The following RAD51B variants were observed in gnomAD, a reference collection of about 807,000 sequenced individuals.
The protein encoded by RAD51B is DNA repair protein RAD51 homolog 2.
Under a neutral mutation model 42.2 loss-of-function variants are expected in RAD51B, and 38 were observed. That is an observed-to-expected ratio of 0.90 (90% CI 0.70 to 1.18). RAD51B has a LOEUF of 1.18. Ranked by LOEUF, RAD51B falls within the 50% of genes most tolerant of loss-of-function variation. RAD51B has a pLI of 0.00. For synonymous variants in RAD51B, 154 were observed against 145.2 expected, an observed-to-expected ratio of 1.06 and a Z score of -0.43; for missense variants, 373 against 400.7, an observed-to-expected ratio of 0.93 and a Z score of 0.59.
At chr14:68,422,101 T>C in intron 9 of RAD51B, 1 of 1,482,598 alleles carries the variant, frequency 6.7e-7, no homozygotes, top group Non-Finnish European at 9.4e-7. Context: ...AATTTTCTGC[T>C]GTCTTTGGGA....
intron 7 of RAD51B, among the ~76,000 whole-genome samples, chr14:68,173,583 T>C (rs1442191021): frequency 1.3e-5 from 2 of 152,202 alleles, no homozygotes; most frequent in African/African-American, 2.4e-5. Context: ...AAGAATCACA[T>C]GCAATATGAG....
At chr14:68,039,177 C>G (rs890421071) in intron 7 of RAD51B, among the ~76,000 whole-genome samples, 1 of 151,970 alleles carries the variant, frequency 6.6e-6, no homozygotes, top group Non-Finnish European at 1.5e-5. Context: ...ATGCTGTAAT[C>G]CCAGCACTTT....
downstream of RAD51B, among the ~76,000 whole-genome samples, chr14:68,613,484 C>T (rs561394572): frequency 2.7e-5 from 4 of 145,608 alleles, no homozygotes; most frequent in Non-Finnish European, 6.0e-5. Context: ...GATGGAGTCT[C>T]ACTCTGTCAC....
At chr14:68,395,088 A>G (rs1410976468) in intron 8 of RAD51B, among the ~76,000 whole-genome samples, 1 of 152,002 alleles carries the variant, frequency 6.6e-6, no homozygotes, top group African/African-American at 2.4e-5. Context: ...CACATTCTCC[A>G]CGGCCATCTG....
chr14:68,579,479 G>C (rs1329164610), intron 10 of RAD51B, among the ~76,000 whole-genome samples: 3 of 152,192 alleles, frequency 2.0e-5, no homozygotes, highest in Non-Finnish European at 2.9e-5. Context: ...AGTGCCAGAT[G>C]TTGCAAATAA....
intron 3 of RAD51B, among the ~76,000 whole-genome samples, chr14:67,834,862 A>G (rs2041177140): frequency 6.6e-6 from 1 of 152,148 alleles, no homozygotes; most frequent in Non-Finnish European, 1.5e-5. Flanking sequence ...TTGACTTCAT[A>G]AGACTGTGAG....
intron 8 of RAD51B, chr14:68,338,731 A>G (rs574322992): frequency 2.4e-6 from 1 of 412,400 alleles, no homozygotes; most frequent in Non-Finnish European, 4.7e-6. Flanking sequence ...TGTACATTTA[A>G]CCCAGTTCAG....
intron 10 of RAD51B, chr14:68,497,176 A>G: frequency 7.2e-7 from 1 of 1,397,328 alleles, no homozygotes; most frequent in South Asian, 1.2e-5. Flanking sequence ...CATCTTGCCA[A>G]GAAAAATCCG....
At chr14:68,004,173 A>G (rs973783575) in intron 7 of RAD51B, among the ~76,000 whole-genome samples, 2 of 152,002 alleles carry the variant, frequency 1.3e-5, no homozygotes, top group Non-Finnish European at 2.9e-5. Context: ...TACTAAAAAT[A>G]CAAAAAGAAA....
chr14:68,151,707 A>T (rs904013580), intron 7 of RAD51B, among the ~76,000 whole-genome samples: 3 of 151,980 alleles, frequency 2.0e-5, no homozygotes, highest in African/African-American at 7.2e-5. Context: ...ATCTACCATT[A>T]ATTCTATCCA....
intron 7 of RAD51B, among the ~76,000 whole-genome samples, chr14:68,134,946 T>C (rs2077977679): frequency 6.6e-6 from 1 of 152,228 alleles, no homozygotes; most frequent in South Asian, 2.1e-4. Context: ...GATGATTTTA[T>C]GTTATTTTTA....
At chr14:68,589,008 C>G (rs964539792) in intron 10 of RAD51B, among the ~76,000 whole-genome samples, 11 of 152,142 alleles carry the variant, frequency 7.2e-5, no homozygotes, top group African/African-American at 2.7e-4. Flanking sequence ...TCCCAGGTAC[C>G]AGTTGGGTGA....
downstream of RAD51B, among the ~76,000 whole-genome samples, chr14:68,596,881 G>A (rs921433436): frequency 5.9e-5 from 9 of 152,212 alleles, no homozygotes; most frequent in African/African-American, 2.2e-4. Flanking sequence ...GTGGTGGGGA[G>A]TGCAGCTGTC....
intron 10 of RAD51B, among the ~76,000 whole-genome samples, chr14:68,645,433 A>C (rs1257403412): frequency 6.6e-6 from 1 of 152,216 alleles, no homozygotes; most frequent in Non-Finnish European, 1.5e-5. Flanking sequence ...CATTTTAGCT[A>C]TTATGAATAA....
chr14:68,629,496 G>A (rs1892175218), intron 10 of RAD51B, among the ~76,000 whole-genome samples: 1 of 152,182 alleles, frequency 6.6e-6, no homozygotes, highest in Non-Finnish European at 1.5e-5. Context: ...TGGTCTTAAC[G>A]TTTATTCTTA....
At chr14:68,234,982 T>C (rs2080217865) in intron 7 of RAD51B, among the ~76,000 whole-genome samples, 1 of 152,160 alleles carries the variant, frequency 6.6e-6, no homozygotes, top group Admixed American at 6.5e-5. Context: ...ACAGGAGATA[T>C]ATGAGGCTGC....
chr14:68,480,610 G>A (rs1883100942), downstream of RAD51B, among the ~76,000 whole-genome samples: 1 of 151,812 alleles, frequency 6.6e-6, no homozygotes, highest in Non-Finnish European at 1.5e-5. Context: ...TTGGTCAAGA[G>A]AGACGTTAGA....
At position 67,927,873 on chromosome 14, in the gene RAD51B, T is replaced by C. The variant is rs369418399; in HGVS notation, c.756+40669T>C. On this transcript the variant is annotated intron_variant, in intron 7 of 10. Transcript: ENST00000471583. ...ATGAATCCCACTTGATCATGGTATG[T>C]TATCTTTTGGGTGTGCTGTTGGATC... is the stretch of plus-strand genomic sequence containing the variant. Among the ~76,000 whole-genome samples the C allele has an allele frequency of 6.0e-5, 9 of 150,874 alleles. No individual in the cohort carries two copies. In the East Asian group the frequency reaches 1.3e-3, roughly 23 times the overall value.
chr14:68,598,967 G>GA (rs969081160), downstream of RAD51B, among the ~76,000 whole-genome samples: 3 of 152,126 alleles, frequency 2.0e-5, no homozygotes, highest in East Asian at 1.9e-4. Flanking sequence ...GAACTGGGAA[G>GA]AAAAAAAATC....
Sources: allele counts gnomAD v4.1 joint callset (sites outside exome capture counted in the v4.1 genomes callset), GRCh38; gene constraint gnomAD v4.1.1; transcripts MANE v1.5; gene names NCBI Gene and HGNC (gene_info 2026-07-23, HGNC 2026-07-21).